Variants in MYH6 observed in about 807,000 individuals in gnomAD.
The protein encoded by MYH6 is myosin-6.
A neutral mutation model predicts 223.2 loss-of-function variants in MYH6; 126 were observed. That is an observed-to-expected ratio of 0.56 (90% CI 0.49 to 0.65). The LOEUF is 0.65. Ranked by LOEUF, MYH6 falls within the 30% of genes least tolerant of loss-of-function variation. The pLI is 0.00. For synonymous variants in MYH6, 978 were observed against 1,010.2 expected (o/e 0.97, Z 0.61); for missense variants, 2,040 against 2,536.4 (o/e 0.80, Z 4.20).
At position 23,402,525 on chromosome 14, in the gene MYH6, G is replaced by C. The variant is rs528094937; in HGVS notation, c.1080C>G (p.Tyr360Ter). The change falls in exon 12 of 39, where the codon TAC becomes TAG. Residue 360 changes from tyrosine to a stop codon, truncating the protein, a stop_gained. Transcript: ENST00000405093. LOFTEE classifies it high-confidence loss of function. Reference protein sequence around the residue: ...VYKLTGAIMHYGNMKFKQKQR... With the variant: ...VYKLTGAIMH ...GCTTCTGCTTGAACTTCATGTTCCC[G>C]TAGTGCATGATGGCTCCCGTCAGCT... 6.2e-7 allele frequency: 1 copy of C among 1,613,546 alleles called. No homozygotes were observed. Among genetic ancestry groups the C allele is most frequent in the Non-Finnish European group, 8.5e-7 (1 of 1,179,954 alleles).
intron 29 of MYH6, 38 bp from the exon 30 acceptor site, chr14:23,388,376 A>C: frequency 6.2e-7 from 1 of 1,609,264 alleles, no homozygotes; most frequent in Non-Finnish European, 8.5e-7. Flanking sequence ...GTGTGACTCT[A>C]CTGGGCAACA....
intron 36 of MYH6, 21 bp from the exon 37 acceptor site, chr14:23,383,341 G>GGGGGGCCCCCCCCCCC: frequency 1.8e-6 from 1 of 556,564 alleles, no homozygotes; most frequent in Non-Finnish European, 3.3e-6. Flanking sequence ...GAGGGTGGGA[G>GGGGGGCCCCCCCCCCC]AAGCTGGTTT....
Position 23,402,543 on chromosome 14 carries a change from C to G in MYH6, c.1062G>C (p.Thr354=). The change falls in exon 12 of 39, where the codon ACG becomes ACC. Residue 354 remains threonine, a synonymous_variant. Coordinates refer to ENST00000405093, the MANE Select transcript of MYH6 (RefSeq NM_002471.4). ...TGTTCCCGTAGTGCATGATGGCTCC[C>G]GTCAGCTTGTAGACGCCAGCTTTCT... ...SEEKAGVYKL[T]GAIMHYGNMK... is the part of the protein sequence containing the mutation. 2.5e-6 allele frequency: 4 copies of G among 1,613,768 alleles called. No individual in the cohort carries two copies. Among genetic ancestry groups the G allele is most frequent in the Non-Finnish European group, 3.4e-6 (4 of 1,179,964 alleles).
chr14:23,385,802 T>G, intron 34 of MYH6, 126 bp downstream of exon 34: 1 of 1,328,810 alleles, frequency 7.5e-7, no homozygotes, highest in South Asian at 1.2e-5. Flanking sequence ...CAGATGAGAG[T>G]TGGCCTAAGA....
chr14:23,402,648 C>A (rs1341227559), intron 11 of MYH6, 46 bp from the exon 12 acceptor site: 1 of 1,613,568 alleles, frequency 6.2e-7, no homozygotes, highest in African/African-American at 1.3e-5. Context: ...GCGGTGGCCC[C>A]AGGAGCTCCT....
chr14:23,404,852 A>C, intron 6 of MYH6, 30 bp from the exon 7 acceptor site: 1 of 1,598,524 alleles, frequency 6.3e-7, no homozygotes, highest in Non-Finnish European at 8.6e-7. Context: ...ATCAAAACTC[A>C]GGATTCCTAC....
rs770635336 is a variant in MYH6 at position 23,402,788 on chromosome 14, A to G, written c.911T>C (p.Val304Ala). Residue 304 changes from valine (V) to alanine (A), a missense_variant, in exon 11 of 39, where the codon GTC becomes GCC. By Grantham distance (64) the Val-to-Ala change is moderately conservative. This residue lies in a region of MYH6 where 649 missense variants were observed against 877.3 expected (regional missense o/e 0.74). Transcript: ENST00000405093. ...KKPELLDMLL[V>A]TNNPYDYAFV... is the part of the protein sequence containing the mutation. ...GGCGTAGTCGTAGGGATTGTTGGTG[A>G]CCAGCAGCATGTCTGCACCAGGCAA... 5.0e-6 allele frequency: 8 copies of G among 1,608,124 alleles called. No homozygotes were observed. The highest frequency in any genetic ancestry group is 6.8e-6 in the Non-Finnish European group (8 of 1,177,118).
At chr14:23,386,273 A>T (rs937809959) in intron 33 of MYH6, 42 bp downstream of exon 33, 1 of 1,613,868 alleles carries the variant, frequency 6.2e-7, no homozygotes, top group East Asian at 2.2e-5. Context: ...TCCAGGCCAC[A>T]TGGAGGCCAG....
rs563924147 is a variant in MYH6 at position 23,382,433 on chromosome 14, C to T, written c.5791G>A (p.Ala1931Thr). ...KLRAKSRDIG[A>T]KQKMHDEE ...AGCCCAGGGGAGGGACCCACCTTGGCACCAATGTCACGGCTCTTGGCTCGA... is the reference window on the plus strand; with the variant it reads ...AGCCCAGGGGAGGGACCCACCTTGGTACCAATGTCACGGCTCTTGGCTCGA... The change falls in exon 38 of 39, where the codon GCC becomes ACC. Residue 1931 changes from alanine (A) to threonine (T), a missense_variant. Ala to Thr is a moderately conservative substitution (Grantham distance 58, BLOSUM62 0). Coordinates refer to ENST00000405093, the MANE Select transcript of MYH6 (RefSeq NM_002471.4). The T allele has an allele frequency of 5.6e-6, 9 of 1,614,004 alleles. No individual in the cohort carries two copies. The highest frequency in any genetic ancestry group is 7.6e-6 in the Non-Finnish European group (9 of 1,180,022).
In MYH6 at chr14:23,387,649, T is replaced by C. The variant is rs1595050594; in HGVS notation, c.4530A>G (p.Glu1510=). The C allele has an allele frequency of 6.2e-7, 1 of 1,614,094 alleles. No homozygotes were observed. The highest frequency in any genetic ancestry group is 1.1e-5 in the South Asian group (1 of 91,074). ...FKRENKNLQE[E]ISDLTEQLGE... ...CTAGCTGCTCAGTAAGGTCCGAGATTTCCTCTGGGGACCAGAGGGCCAGAA... is the reference window on the plus strand; with the variant it reads ...CTAGCTGCTCAGTAAGGTCCGAGATCTCCTCTGGGGACCAGAGGGCCAGAA... The change falls in exon 32 of 39, where the codon GAA becomes GAG. Residue 1510 remains glutamate, a synonymous_variant. Coordinates refer to ENST00000405093, the MANE Select transcript of MYH6 (RefSeq NM_002471.4).
At chr14:23,403,570 A>C (rs1891679671) in intron 9 of MYH6, 124 bp from the exon 10 acceptor site, 4 of 1,164,454 alleles carry the variant, frequency 3.4e-6, no homozygotes. Flanking sequence ...AGGCGAGAAG[A>C]TGTGGCTTAA....
rs1291893306 is a variant in MYH6 at position 23,390,910 on chromosome 14, C to T, written c.3343-464G>A. Among the ~76,000 whole-genome samples the T allele has an allele frequency of 2.6e-5, 4 of 152,200 alleles. No individual in the cohort carries two copies. In the East Asian group the frequency reaches 7.7e-4, roughly 29 times the overall value. On this transcript the variant is annotated intron_variant, in intron 25 of 38. Coordinates refer to ENST00000405093, the MANE Select transcript of MYH6 (RefSeq NM_002471.4). ...TTGTGACAACATGCCTCGAAACAAT[C>T]AGATACCTTTGCAATTCTCCAAGTT...
chr14:23,384,761 G>T, intron 35 of MYH6, 44 bp from the exon 36 acceptor site: 1 of 1,614,056 alleles, frequency 6.2e-7, no homozygotes, highest in Non-Finnish European at 8.5e-7. Context: ...GCCAGGGGCC[G>T]GGGCCTTTTG....
chr14:23,405,816 CG>C lies in MYH6; in HGVS notation c.202-47del, dbSNP rs1214527527. ...GGAGGATGAGTGACCACAATCCCTC[CG>C]GGACCCTTGCCAGCACTGCCCACTG... On this transcript the variant is annotated intron_variant, in intron 3 of 38. Transcript: ENST00000405093. The surrounding 1 kb of genome is among the most constrained non-coding windows in gnomAD (Gnocchi z 4.7). 1.9e-6 allele frequency: 3 copies of C among 1,613,498 alleles called. No homozygotes were observed. The Admixed American group carries it at 5.0e-5, about 27-fold the overall frequency.
At chr14:23,403,260 G>T in intron 10 of MYH6, 88 bp downstream of exon 10, 1 of 1,093,552 alleles carries the variant, frequency 9.1e-7, no homozygotes. Context: ...GGGCACAGTG[G>T]GGAGCAGGAG....
At position 23,386,441 on chromosome 14, in the gene MYH6, G is replaced by A. The variant is rs139329956; in HGVS notation, c.4833C>T (p.Asn1611=). The change falls in exon 33 of 39, where the codon AAC becomes AAT. Residue 1611 remains asparagine (N), a synonymous_variant. Transcript: ENST00000405093. Reference sequence around the variant, plus strand: ...TCTTCTTCTTCACCCTCAGGACCTCGTTGCGGCTGCGTGTCTCTGCATCCA... The same window carrying A: ...TCTTCTTCTTCACCCTCAGGACCTCATTGCGGCTGCGTGTCTCTGCATCCA... ...TSLDAETRSR[N]EVLRVKKKME... 6.3e-5 allele frequency: 102 copies of A among 1,614,072 alleles called. No homozygotes were observed. Among genetic ancestry groups the A allele is most frequent in the Middle Eastern group, 3.3e-4 (2 of 6,084 alleles).
In MYH6 at chr14:23,404,657, G is replaced by A. The variant is rs967347584; in HGVS notation, c.642+54C>T. 2.0e-5 allele frequency: 31 copies of A among 1,528,726 alleles called. No individual in the cohort carries two copies. In the African/African-American group the frequency reaches 2.9e-4, roughly 14 times the overall value. 94.7% of individuals were successfully genotyped at this position (1,528,726 alleles called of 1,614,324 possible). A position where few individuals can be genotyped will look rare whatever the true frequency, so the allele number is the denominator to read the frequency against. On this transcript the variant is annotated intron_variant, in intron 7 of 38. Coordinates refer to ENST00000405093, the MANE Select transcript of MYH6 (RefSeq NM_002471.4). ...GGGAGGGGAGGGTTAGGGGTAACTC[G>A]GGTCAGCCTGCCCCCCAACCCCTGT...
intron 19 of MYH6, 90 bp from the exon 20 acceptor site, chr14:23,396,510 C>T (rs1348131079): frequency 3.8e-6 from 6 of 1,576,038 alleles, no homozygotes; most frequent in Non-Finnish European, 5.2e-6. Flanking sequence ...GGTGACCCAT[C>T]ACCCCATGCC....
intron 25 of MYH6, among the ~76,000 whole-genome samples, chr14:23,392,005 T>C (rs556929078): frequency 6.6e-6 from 1 of 152,302 alleles, no homozygotes; most frequent in Admixed American, 6.5e-5. Context: ...TCCCCTCTGG[T>C]CCTGTGTGGT....
Sources: gnomAD v4.1 joint callset for allele counts (sites outside exome capture counted in the v4.1 genomes callset) on GRCh38, gnomAD v4.1.1 for gene constraint, gnomAD v4.1.1 regional missense constraint, Gnocchi (gnomAD v3.1) non-coding constraint, MANE v1.5 for transcripts, NCBI Gene and HGNC (gene_info 2026-07-23, HGNC 2026-07-21) for gene names.